The following LGALSL variants were observed in gnomAD, a reference collection of about 807,000 sequenced individuals.
LGALSL encodes galectin-related protein.
A neutral mutation model predicts 19.5 loss-of-function variants in LGALSL; 13 were observed. The observed-to-expected ratio is 0.67, with a 90% confidence interval of 0.43 to 1.06. LGALSL has a LOEUF of 1.06. Among genes scored for constraint, LGALSL ranks in the 50% least tolerant of loss-of-function variants. The pLI is 0.00. For missense variants in LGALSL, 189 were observed against 219.3 expected (o/e 0.86, Z 0.87); for synonymous variants, 86 against 78.3 (o/e 1.10, Z -0.52).
In LGALSL at chr2:64,459,367, A is replaced by G. The variant is rs1273955511; in HGVS notation, c.*939A>G. The G allele has an allele frequency of 6.6e-6, 1 of 152,248 alleles. No homozygotes were observed. Among genetic ancestry groups the G allele is most frequent in the Non-Finnish European group, 1.5e-5 (1 of 68,040 alleles). 9.4% of individuals were successfully genotyped at this position (152,248 alleles called of 1,614,324 possible). On this transcript the variant is annotated 3_prime_UTR_variant, in exon 5 of 5. Transcript: ENST00000238875. ...CAAAAACACAAAGAGGTGATTGCTT[A>G]GACAATTTTTAAAGTGACTATAGTA...
chr2:64,455,534 T>G lies in LGALSL; in HGVS notation c.109-55T>G. The stretch of plus-strand genomic sequence containing the variant: ...GGTCAGGCCTTCAGGGTCTGAGGTC[T>G]TGGCTTTTCCCTAACAGGCTGTAAA... On this transcript the variant is annotated intron_variant, in intron 2 of 4. Transcript: ENST00000238875. 4 of 1,546,122 alleles carry G rather than the reference T, an allele frequency of 2.6e-6. No individual in the cohort carries two copies. In the South Asian group the frequency reaches 4.5e-5, roughly 17 times the overall value.
rs1686687655 is a variant in LGALSL, at chr2:64,454,280, C to T, written c.-266C>T. On this transcript the variant is annotated 5_prime_UTR_variant, in exon 1 of 5. Coordinates refer to ENST00000238875, the MANE Select transcript of LGALSL (RefSeq NM_014181.3). This position sits in a 1 kb window ranked among gnomAD's most constrained non-coding sequence, Gnocchi z 5.1. Reference sequence around the variant, plus strand: ...GCAGCGGCAGCGGCAGCAAGCAGCCCCGTCGGCCCGGGTCCGGGGCCGTTC... The same window carrying T: ...GCAGCGGCAGCGGCAGCAAGCAGCCTCGTCGGCCCGGGTCCGGGGCCGTTC... 2.5e-6 allele frequency: 1 copy of T among 395,748 alleles called. No individual in the cohort carries two copies. The highest frequency in any genetic ancestry group is 4.5e-6 in the Non-Finnish European group (1 of 224,270). The allele number at this position is 395,748 out of a possible 1,614,324, so 24.5% of individuals were successfully genotyped here.
Position 64,458,284 on chromosome 2 carries a change from G to T in LGALSL, c.376-1G>T. 1 of 1,613,500 alleles carries T rather than the reference G, an allele frequency of 6.2e-7. No individual in the cohort carries two copies. ...GTGGATTATTATTTTGTTTCTTCCA[G>T]GTGGAAATTCTTTGTGAGCACCCAC... is the stretch of plus-strand genomic sequence containing the variant. On this transcript the variant is annotated splice_acceptor_variant, in intron 4 of 4. Coordinates refer to ENST00000238875, the MANE Select transcript of LGALSL (RefSeq NM_014181.3). LOFTEE classifies it high-confidence loss of function.
chr2:64,455,737 C>T lies in LGALSL; in HGVS notation c.197+60C>T, dbSNP rs966239637. The stretch of plus-strand genomic sequence containing the variant: ...GGCTGTGGCTGAGCCCTGCCCACTT[C>T]TGTTGTGGTTTAGCACTCCTCTTCC... On this transcript the variant is annotated intron_variant, in intron 3 of 4. Transcript: ENST00000238875. The T allele has an allele frequency of 3.4e-5, 44 of 1,296,934 alleles. No homozygotes were observed. In the African/African-American group the frequency reaches 6.0e-4, roughly 18 times the overall value. 80.3% of individuals were successfully genotyped at this position (1,296,934 alleles called of 1,614,324 possible).
In LGALSL at chr2:64,458,290, A is replaced by G; in HGVS notation, c.381A>G (p.Glu127=). The change falls in exon 5 of 5, where the codon GAA becomes GAG. Residue 127 remains glutamate, a synonymous_variant. Coordinates refer to ENST00000238875, the MANE Select transcript of LGALSL (RefSeq NM_014181.3). Reference sequence around the variant, plus strand: ...TATTATTTTGTTTCTTCCAGGTGGAAATTCTTTGTGAGCACCCACGTTTCC... The same window carrying G: ...TATTATTTTGTTTCTTCCAGGTGGAGATTCTTTGTGAGCACCCACGTTTCC... The part of the protein sequence containing the change: ...PFIPDQPFRV[E]ILCEHPRFRV... 6.2e-7 allele frequency: 1 copy of G among 1,613,632 alleles called. No homozygotes were observed. The highest frequency in any genetic ancestry group is 8.5e-7 in the Non-Finnish European group (1 of 1,179,804).
rs1246447898 is a variant in LGALSL, at chr2:64,454,839, C to G, written c.36+258C>G. On this transcript the variant is annotated intron_variant, in intron 1 of 4. Transcript: ENST00000238875. This position sits in a 1 kb window ranked among gnomAD's most constrained non-coding sequence, Gnocchi z 5.1. ...GCGGGTAGGGACGCCCGACAGCCCCCTCTGTGCCGTGCAACCGCCAGCCAG... is the reference window on the plus strand; with the variant it reads ...GCGGGTAGGGACGCCCGACAGCCCCGTCTGTGCCGTGCAACCGCCAGCCAG... Among the ~76,000 whole-genome samples the G allele has an allele frequency of 6.6e-6, 1 of 151,418 alleles. No individual in the cohort carries two copies. The highest frequency in any genetic ancestry group is 2.4e-5 in the African/African-American group (1 of 41,224).
At chr2:64,457,815 G>T (rs1227123435) in intron 4 of LGALSL, among the ~76,000 whole-genome samples, 1 of 152,150 alleles carries the variant, frequency 6.6e-6, no homozygotes. Flanking sequence ...GGCTAGGATA[G>T]TTTCTTAGTG....
chr2:64,454,472 G>C lies in LGALSL; in HGVS notation c.-74G>C. The stretch of plus-strand genomic sequence containing the variant: ...AGCTCGGACCCGCGCCCCCGCCCCC[G>C]CCCCGCGCAGGACAGCCCCGGGATC... On this transcript the variant is annotated 5_prime_UTR_variant, in exon 1 of 5. Transcript: ENST00000238875. This position sits in a 1 kb window ranked among gnomAD's most constrained non-coding sequence, Gnocchi z 5.1. The C allele has an allele frequency of 1.2e-5, 8 of 676,606 alleles. No homozygotes were observed. The highest frequency in any genetic ancestry group is 5.3e-5 in the Admixed American group (1 of 18,932). The allele number at this position is 676,606 out of a possible 1,614,324, so 41.9% of individuals were successfully genotyped here. A position where few individuals can be genotyped will look rare whatever the true frequency, so the allele number is the denominator to read the frequency against.
In LGALSL at chr2:64,458,441, C is replaced by G. The variant is rs776001625; in HGVS notation, c.*13C>G. The G allele has an allele frequency of 7.5e-6, 12 of 1,609,438 alleles. No homozygotes were observed. The highest frequency in any genetic ancestry group is 1.0e-5 in the Non-Finnish European group (12 of 1,177,086). On this transcript the variant is annotated 3_prime_UTR_variant, in exon 5 of 5. Transcript: ENST00000238875. Reference sequence around the variant, plus strand: ...CAAGCTTGGCTGATTTAAACCACCTCTATTTCAAATAGGATCACGTGCCAC... The same window carrying G: ...CAAGCTTGGCTGATTTAAACCACCTGTATTTCAAATAGGATCACGTGCCAC...
In LGALSL at chr2:64,454,700, G is replaced by A. The variant is rs1174609703; in HGVS notation, c.36+119G>A. On this transcript the variant is annotated intron_variant, in intron 1 of 4. Transcript: ENST00000238875. The surrounding 1 kb of genome is among the most constrained non-coding windows in gnomAD (Gnocchi z 5.1). ...CAGGCCCGGCCGGCGCCCGGCGCGT[G>A]GGAAGGCGCCCGGTACCTGTTAGCA... 1.5e-6 allele frequency: 1 copy of A among 667,870 alleles called. No individual in the cohort carries two copies. Among genetic ancestry groups the A allele is most frequent in the Non-Finnish European group, 2.1e-6 (1 of 484,062 alleles). 41.4% of individuals were successfully genotyped at this position (667,870 alleles called of 1,614,324 possible).
rs538251296 is a variant in LGALSL, at chr2:64,460,555, G to A, written c.*2127G>A. The A allele has an allele frequency of 6.6e-6, 1 of 152,310 alleles. No individual in the cohort carries two copies. Among genetic ancestry groups the A allele is most frequent in the East Asian group, 1.9e-4 (1 of 5,192 alleles). The allele number at this position is 152,310 out of a possible 1,614,324, so 9.4% of individuals were successfully genotyped here. ...ACACGCTTATTCTGTCTACCTATCAGCTAACTCATTAGCAGCCAAGCCCTT... is the reference window on the plus strand; with the variant it reads ...ACACGCTTATTCTGTCTACCTATCAACTAACTCATTAGCAGCCAAGCCCTT... On this transcript the variant is annotated 3_prime_UTR_variant, in exon 5 of 5. Transcript: ENST00000238875.
At position 64,460,029 on chromosome 2, in the gene LGALSL, T is replaced by A. The variant is rs1686793595; in HGVS notation, c.*1601T>A. 4.6e-5 allele frequency: 7 copies of A among 151,536 alleles called. No individual in the cohort carries two copies. The highest frequency in any genetic ancestry group is 4.6e-4 in the Admixed American group (7 of 15,236). 9.4% of individuals were successfully genotyped at this position (151,536 alleles called of 1,614,324 possible). On this transcript the variant is annotated 3_prime_UTR_variant, in exon 5 of 5. Transcript: ENST00000238875. Reference sequence around the variant, plus strand: ...CTTTTTTGAGTTTTTTTTTTTTTTTTACACAACATGCAGAGGCACTGAAGT... The same window carrying A: ...CTTTTTTGAGTTTTTTTTTTTTTTTAACACAACATGCAGAGGCACTGAAGT...
chr2:64,457,691 G>A (rs1686758571), intron 4 of LGALSL, among the ~76,000 whole-genome samples: 1 of 152,056 alleles, frequency 6.6e-6, no homozygotes, highest in Non-Finnish European at 1.5e-5. Flanking sequence ...TTTTGCATTG[G>A]TGGTAGAATT....
rs1048043736 is a variant in LGALSL, at chr2:64,461,263, A to G, written c.*2835A>G. 2.6e-5 allele frequency: 4 copies of G among 152,252 alleles called. No individual in the cohort carries two copies. The highest frequency in any genetic ancestry group is 2.9e-5 in the Non-Finnish European group (2 of 68,048). The allele number at this position is 152,252 out of a possible 1,614,324, so 9.4% of individuals were successfully genotyped here. On this transcript the variant is annotated 3_prime_UTR_variant, in exon 5 of 5. Coordinates refer to ENST00000238875, the MANE Select transcript of LGALSL (RefSeq NM_014181.3). ...GTAGAAATAATGTTCCTATGATGAC[A>G]TATTTTCAAAGAAACACTTTCTTAT...
At position 64,459,076 on chromosome 2, in the gene LGALSL, T is replaced by A. The variant is rs1177463548; in HGVS notation, c.*648T>A. The A allele has an allele frequency of 6.6e-6, 1 of 152,226 alleles. No individual in the cohort carries two copies. Among genetic ancestry groups the A allele is most frequent in the Non-Finnish European group, 1.5e-5 (1 of 68,042 alleles). The allele number at this position is 152,226 out of a possible 1,614,324, so 9.4% of individuals were successfully genotyped here. A position where few individuals can be genotyped will look rare whatever the true frequency, so the allele number is the denominator to read the frequency against. ...AGGGGAGAAAATTACATATTACAAT[T>A]ATGAAACAGGTGAATTTCTGCTTTA... On this transcript the variant is annotated 3_prime_UTR_variant, in exon 5 of 5. Coordinates refer to ENST00000238875, the MANE Select transcript of LGALSL (RefSeq NM_014181.3).
rs147305037 is a variant in LGALSL at position 64,458,296 on chromosome 2, T to C, written c.387T>C (p.Leu129=). The change falls in exon 5 of 5, where the codon CTT becomes CTC. Residue 129 remains leucine (L), a synonymous_variant. Transcript: ENST00000238875. ...TTTGTTTCTTCCAGGTGGAAATTCT[T>C]TGTGAGCACCCACGTTTCCGAGTGT... ...IPDQPFRVEI[L]CEHPRFRVFV... is the part of the protein sequence containing the mutation. 13,282 of 1,613,840 alleles carry C rather than the reference T, an allele frequency of 8.2e-3. 81 individuals carry two copies. The highest frequency in any genetic ancestry group is 9.1e-3 in the Middle Eastern group (55 of 6,062).
Position 64,460,022 on chromosome 2 carries a change from T to C in LGALSL, c.*1594T>C, listed in dbSNP as rs1327675167. The C allele has an allele frequency of 6.6e-6, 1 of 151,964 alleles. No homozygotes were observed. Among genetic ancestry groups the C allele is most frequent in the Non-Finnish European group, 1.5e-5 (1 of 67,982 alleles). 9.4% of individuals were successfully genotyped at this position (151,964 alleles called of 1,614,324 possible). A position where few individuals can be genotyped will look rare whatever the true frequency, so the allele number is the denominator to read the frequency against. Reference sequence around the variant, plus strand: ...TGCTTTCCTTTTTTGAGTTTTTTTTTTTTTTTTACACAACATGCAGAGGCA... The same window carrying C: ...TGCTTTCCTTTTTTGAGTTTTTTTTCTTTTTTTACACAACATGCAGAGGCA... On this transcript the variant is annotated 3_prime_UTR_variant, in exon 5 of 5. Coordinates refer to ENST00000238875, the MANE Select transcript of LGALSL (RefSeq NM_014181.3).
intron 4 of LGALSL, 35 bp downstream of exon 4, chr2:64,456,500 G>A (rs766879783): frequency 4.7e-6 from 7 of 1,487,474 alleles, no homozygotes; most frequent in Non-Finnish European, 6.3e-6. Flanking sequence ...CCAGCCACTG[G>A]CAGGCTGATA....
intron 1 of LGALSL, 67 bp from the exon 2 acceptor site, chr2:64,455,277 T>TG (rs1686715959): frequency 2.0e-6 from 2 of 999,698 alleles, no homozygotes; most frequent in African/African-American, 3.2e-5. Flanking sequence ...CACATCTGTG[T>TG]GGGTTCTTCC....
Sources: gnomAD v4.1 joint callset for allele counts (sites outside exome capture counted in the v4.1 genomes callset) on GRCh38, gnomAD v4.1.1 for gene constraint, Gnocchi (gnomAD v3.1) non-coding constraint, MANE v1.5 for transcripts, NCBI Gene and HGNC (gene_info 2026-07-23, HGNC 2026-07-21) for gene names.